Variants in ETV1 observed in about 807,000 individuals in gnomAD.
The protein encoded by ETV1 is ETS translocation variant 1.
A neutral mutation model predicts 62.3 loss-of-function variants in ETV1; 27 were observed. The ratio of observed to expected loss-of-function variants is 0.43; its 90% CI spans 0.32 to 0.60. The LOEUF is 0.60. Among genes scored for constraint, ETV1 ranks in the 20% least tolerant of loss-of-function variants. ETV1 has a pLI of 0.06. For synonymous variants in ETV1, 222 were observed against 199.6 expected, an observed-to-expected ratio of 1.11 and a Z score of -0.94; for missense variants, 605 against 605.8, an observed-to-expected ratio of 1.00 and a Z score of 0.01.
intron 6 of ETV1, among the ~76,000 whole-genome samples, chr7:13,964,330 G>C (rs891365879): frequency 2.6e-5 from 4 of 152,108 alleles, no homozygotes; most frequent in African/African-American, 9.7e-5. Flanking sequence ...GGCCTTGATA[G>C]TATTTGACAA....
intron 5 of ETV1, among the ~76,000 whole-genome samples, chr7:13,978,917 A>G (rs948465820): frequency 1.1e-4 from 16 of 152,194 alleles, no homozygotes; most frequent in Non-Finnish European, 2.1e-4. Context: ...TCTTCTGTAC[A>G]CCAATAATTA....
At position 13,895,964 on chromosome 7, in the gene ETV1, C is replaced by T. The variant is rs1781732611; in HGVS notation, c.1336G>A (p.Asp446Asn). ...TCAAAGTGAGAAAGAGGCACTGTGT[C>T]CTCCTCGTTGATGTGACGTTCCATG... ...TDMERHINEE[D>N]TVPLSHFDES... Residue 446 changes from aspartate to asparagine, a missense_variant, in exon 14 of 14, where the codon GAC becomes AAC. Coordinates refer to ENST00000430479, the MANE Select transcript of ETV1 (RefSeq NM_004956.5). The T allele has an allele frequency of 1.2e-6, 2 of 1,613,688 alleles. No homozygotes were observed. Among genetic ancestry groups the T allele is most frequent in the African/African-American group, 1.3e-5 (1 of 75,052 alleles).
chr7:13,908,828 G>C (rs1783250987), intron 11 of ETV1, among the ~76,000 whole-genome samples: 1 of 151,966 alleles, frequency 6.6e-6, no homozygotes, highest in African/African-American at 2.4e-5. Context: ...GACCCCCAAA[G>C]TTTGTGCAAT....
intron 4 of ETV1, 80 bp from the exon 5 acceptor site, chr7:13,986,765 T>C: frequency 9.7e-7 from 1 of 1,034,670 alleles, no homozygotes; most frequent in Non-Finnish European, 1.4e-6. Flanking sequence ...GTCATGAAAT[T>C]GGTATTAAAT....
intron 7 of ETV1, among the ~76,000 whole-genome samples, chr7:13,937,507 G>C (rs933109053): frequency 6.6e-6 from 1 of 152,090 alleles, no homozygotes; most frequent in African/African-American, 2.4e-5. Flanking sequence ...AAAATATTCA[G>C]GCAATTCCTT....
intron 6 of ETV1, among the ~76,000 whole-genome samples, chr7:13,974,052 C>G (rs1052334110): frequency 2.0e-5 from 3 of 152,084 alleles, no homozygotes; most frequent in African/African-American, 4.8e-5. Flanking sequence ...TTGTCAAAGA[C>G]ACAAATGTAT....
chr7:13,991,049 A>G (rs1782980944), upstream of ETV1: 1 of 152,300 alleles, frequency 6.6e-6, no homozygotes, highest in Admixed American at 6.5e-5. Flanking sequence ...AAAACAACCA[A>G]TAACTATGGA....
chr7:13,923,445 T>C (rs932272396), intron 9 of ETV1, among the ~76,000 whole-genome samples: 2 of 152,220 alleles, frequency 1.3e-5, no homozygotes, highest in African/African-American at 4.8e-5. Context: ...TTTAAATTTC[T>C]TGATTAAAGT....
At chr7:13,973,868 G>T (rs1158606701) in intron 6 of ETV1, among the ~76,000 whole-genome samples, 1 of 152,052 alleles carries the variant, frequency 6.6e-6, no homozygotes, top group Non-Finnish European at 1.5e-5. Flanking sequence ...CAGTTTTAAG[G>T]CATATCATGT....
intron 12 of ETV1, among the ~76,000 whole-genome samples, chr7:13,903,725 T>G (rs1243595476): frequency 7.3e-6 from 1 of 137,740 alleles, no homozygotes; most frequent in African/African-American, 2.8e-5. Context: ...GTCGCACCAC[T>G]GCACTCCAGC....
Position 13,894,646 on chromosome 7 carries a change from T to C in ETV1, c.*1220A>G, listed in dbSNP as rs528220237. The stretch of plus-strand genomic sequence containing the variant: ...CGTAAGCTATTTTTTAAGCAATAAA[T>C]GGTTTGAGTCATCTATTTTGTCCTG... On this transcript the variant is annotated 3_prime_UTR_variant, in exon 14 of 14. Coordinates refer to ENST00000430479, the MANE Select transcript of ETV1 (RefSeq NM_004956.5). The C allele has an allele frequency of 1.7e-5, 4 of 232,714 alleles. No homozygotes were observed. In the East Asian group the frequency reaches 1.8e-4, roughly 11 times the overall value. 14.4% of individuals were successfully genotyped at this position (232,714 alleles called of 1,614,324 possible). A position where few individuals can be genotyped will look rare whatever the true frequency, so the allele number is the denominator to read the frequency against.
At position 13,907,722 on chromosome 7, in the gene ETV1, A is replaced by C. The variant is rs1319140596; in HGVS notation, c.941-1123T>G. The C allele has an allele frequency of 2.0e-5, 8 of 395,908 alleles. No homozygotes were observed. In the East Asian group the frequency reaches 5.8e-4, roughly 29 times the overall value. The allele number at this position is 395,908 out of a possible 1,614,324, so 24.5% of individuals were successfully genotyped here. A position where few individuals can be genotyped will look rare whatever the true frequency, so the allele number is the denominator to read the frequency against. Reference sequence around the variant, plus strand: ...TAAAGAAACAATCCAGACAAAATATATCTAAGCCTATGTAGTCATACTAAG... The same window carrying C: ...TAAAGAAACAATCCAGACAAAATATCTCTAAGCCTATGTAGTCATACTAAG... On this transcript the variant is annotated intron_variant, in intron 11 of 13. Coordinates refer to ENST00000430479, the MANE Select transcript of ETV1 (RefSeq NM_004956.5).
At chr7:13,970,725 G>A (rs1190118160) in intron 6 of ETV1, among the ~76,000 whole-genome samples, 1 of 152,064 alleles carries the variant, frequency 6.6e-6, no homozygotes, top group Non-Finnish European at 1.5e-5. Context: ...TGTATGTGTT[G>A]AAAGAAACAA....
At position 13,937,748 on chromosome 7, in the gene ETV1, T is replaced by C. The variant is rs563239007; in HGVS notation, c.365+1369A>G. ...ACTCAGATCGATCAATACTGTCTTATCTGAACTCATTATGCTTTAATAGTT... is the reference window on the plus strand; with the variant it reads ...ACTCAGATCGATCAATACTGTCTTACCTGAACTCATTATGCTTTAATAGTT... On this transcript the variant is annotated intron_variant, in intron 7 of 13. Coordinates refer to ENST00000430479, the MANE Select transcript of ETV1 (RefSeq NM_004956.5). Among the ~76,000 whole-genome samples, 19 of 152,366 alleles carry C rather than the reference T, an allele frequency of 1.2e-4. No individual in the cohort carries two copies. In the East Asian group the frequency reaches 3.5e-3, roughly 28 times the overall value.
At chr7:13,926,332 T>C (rs1159653891) in intron 9 of ETV1, among the ~76,000 whole-genome samples, 2 of 152,056 alleles carry the variant, frequency 1.3e-5, no homozygotes, top group Non-Finnish European at 2.9e-5. Flanking sequence ...CTGTAAGATA[T>C]CAAAAAGTAA....
intron 6 of ETV1, among the ~76,000 whole-genome samples, chr7:13,941,268 G>A (rs1787473544): frequency 6.6e-6 from 1 of 152,100 alleles, no homozygotes; most frequent in African/African-American, 2.4e-5. Flanking sequence ...GTATAGACTA[G>A]CTATTAGATA....
intron 4 of ETV1, chr7:13,987,054 A>G: frequency 5.2e-6 from 1 of 193,722 alleles, no homozygotes; most frequent in South Asian, 1.1e-4. Context: ...CTAAAATAGT[A>G]GTAGGGGGAA....
intron 9 of ETV1, among the ~76,000 whole-genome samples, chr7:13,927,222 G>T (rs1380980585): frequency 6.6e-6 from 1 of 152,166 alleles, no homozygotes; most frequent in Non-Finnish European, 1.5e-5. Context: ...GCTGAGGCTG[G>T]CGGATCACTT....
chr7:13,914,500 T>C (rs544169645), intron 9 of ETV1, among the ~76,000 whole-genome samples: 3 of 151,916 alleles, frequency 2.0e-5, no homozygotes, highest in African/African-American at 7.2e-5. Flanking sequence ...CACTAATCAA[T>C]GTAGCGGAAG....
Sources: gnomAD v4.1 joint callset for allele counts (sites outside exome capture counted in the v4.1 genomes callset) on GRCh38, gnomAD v4.1.1 for gene constraint, MANE v1.5 for transcripts, NCBI Gene and HGNC (gene_info 2026-07-23, HGNC 2026-07-21) for gene names.